TUBA1B: variants seen among roughly 807,000 people sequenced by gnomAD.
The protein encoded by TUBA1B is tubulin alpha-1B chain.
In TUBA1B, 1 loss-of-function variant was observed where a neutral mutation model predicts 34.4. The observed-to-expected ratio is 0.03, with a 90% CI of 0.01 to 0.14. The LOEUF is 0.14. TUBA1B is among the 10% of genes least tolerant of loss of function. TUBA1B has a pLI of 1.00. For synonymous variants in TUBA1B, 197 were observed against 212.5 expected (o/e 0.93, Z 0.64); for missense variants, 54 against 583.6 (o/e 0.09, Z 9.35).
Position 49,129,630 on chromosome 12 carries a change from G to A in TUBA1B, c.96C>T (p.Pro32=), listed in dbSNP as rs762081790. ...ELYCLEHGIQ[P]DGQMPSDKTI... The stretch of plus-strand genomic sequence containing the variant: ...TCTTGTCACTTGGCATCTGGCCATC[G>A]GGCTGGATGCCGTGTTCCAGGCAGT... Residue 32 remains proline, a synonymous_variant, in exon 2 of 4, where the codon CCC becomes CCT. Transcript: ENST00000336023. 9.9e-6 allele frequency: 16 copies of A among 1,614,062 alleles called. No individual in the cohort carries two copies. In the Middle Eastern group the frequency reaches 8.2e-4, roughly 83 times the overall value.
intron 1 of TUBA1B, chr12:49,130,069 C>T: frequency 2.5e-6 from 3 of 1,198,144 alleles, no homozygotes; most frequent in Admixed American, 3.5e-5. Context: ...AGATGTACTA[C>T]TTTTGAGAAC....
rs11546598 is a variant in TUBA1B, at chr12:49,129,378, G to A, written c.239C>T (p.Thr80Ile). The A allele has an allele frequency of 1.2e-6, 2 of 1,614,236 alleles. No individual in the cohort carries two copies. Among genetic ancestry groups the A allele is most frequent in the Admixed American group, 1.7e-5 (1 of 60,032 alleles). Residue 80 changes from threonine (T) to isoleucine (I), a missense_variant, in exon 3 of 4, where the codon ACT becomes ATT. Around this residue, in one of 3 missense-constraint regions of TUBA1B, gnomAD observed 28 missense variants for 203.8 expected, o/e 0.14. Coordinates refer to ENST00000336023, the MANE Select transcript of TUBA1B (RefSeq NM_006082.3). Reference protein sequence around the residue: ...LEPTVIDEVRTGTYRQLFHPE... With the variant: ...LEPTVIDEVRIGTYRQLFHPE... The stretch of plus-strand genomic sequence containing the variant: ...GTGGAAGAGCTGGCGGTAGGTGCCA[G>A]TGCGAACTTCATCTGGAGGAGGGAG...
chr12:49,131,000 C>G (rs1263371871), intron 1 of TUBA1B: 5 of 379,128 alleles, frequency 1.3e-5, no homozygotes, highest in Non-Finnish European at 2.5e-5. Context: ...GGGACCGCAC[C>G]CAGGACACAG....
In TUBA1B at chr12:49,129,495, C is replaced by T; in HGVS notation, c.226+5G>A. The T allele has an allele frequency of 6.2e-7, 1 of 1,614,200 alleles. No homozygotes were observed. The highest frequency in any genetic ancestry group is 8.5e-7 in the Non-Finnish European group (1 of 1,180,026). ...TGGGATCTCAGGTTACTGAGGTCAACTCACCAATGACTGTGGGTTCCAAGT... is the reference window on the plus strand; with the variant it reads ...TGGGATCTCAGGTTACTGAGGTCAATTCACCAATGACTGTGGGTTCCAAGT... On this transcript the variant is annotated splice_donor_5th_base_variant and intron_variant, in intron 2 of 3. Transcript: ENST00000336023.
At position 49,128,627 on chromosome 12, in the gene TUBA1B, G is replaced by A; in HGVS notation, c.687C>T (p.Arg229=). ...TGGAGGACACAATCTGGCTAATAAG[G>A]CGGTTAAGGTTAGTGTAGGTTGGGC... ...IERPTYTNLN[R]LISQIVSSIT... Residue 229 remains arginine, a synonymous_variant, in exon 4 of 4, where the codon CGC becomes CGT. Coordinates refer to ENST00000336023, the MANE Select transcript of TUBA1B (RefSeq NM_006082.3). The surrounding 1 kb of genome is among the most constrained non-coding windows in gnomAD (Gnocchi z 8.1). The A allele has an allele frequency of 6.2e-7, 1 of 1,610,968 alleles. No individual in the cohort carries two copies. The highest frequency in any genetic ancestry group is 2.2e-5 in the East Asian group (1 of 44,848).
Position 49,131,361 on chromosome 12 carries a change from C to T in TUBA1B, c.-61G>A. On this transcript the variant is annotated 5_prime_UTR_variant, in exon 1 of 4. Transcript: ENST00000336023. ...CAGACACCGGGTCCCGGTTACCGTC[C>T]CCGACAAGCTAAGAGTCGAGGTAAG... 1 of 1,597,752 alleles carries T rather than the reference C, an allele frequency of 6.3e-7. No homozygotes were observed. Among genetic ancestry groups the T allele is most frequent in the Non-Finnish European group, 8.5e-7 (1 of 1,170,420 alleles).
chr12:49,131,201 G>A, intron 1 of TUBA1B, 97 bp downstream of exon 1: 1 of 1,488,040 alleles, frequency 6.7e-7, no homozygotes, highest in Non-Finnish European at 9.2e-7. Context: ...CGGCTCTGAG[G>A]CCAGCCCTTC....
rs1592245618 is a variant in TUBA1B at position 49,128,362 on chromosome 12, A to G, written c.952T>C (p.Leu318=). The change falls in exon 4 of 4, where the codon TTG becomes CTG. Residue 318 remains leucine, a synonymous_variant. Coordinates refer to ENST00000336023, the MANE Select transcript of TUBA1B (RefSeq NM_006082.3). The surrounding 1 kb of genome is among the most constrained non-coding windows in gnomAD (Gnocchi z 8.1). ...TTGGGAACCACGTCACCACGGTACAACAGGCAGCAAGCCATGTATTTACCA... is the reference window on the plus strand; with the variant it reads ...TTGGGAACCACGTCACCACGGTACAGCAGGCAGCAAGCCATGTATTTACCA... ...RHGKYMACCL[L]YRGDVVPKDV... 6.2e-7 allele frequency: 1 copy of G among 1,613,950 alleles called. No homozygotes were observed. Among genetic ancestry groups the G allele is most frequent in the Non-Finnish European group, 8.5e-7 (1 of 1,179,952 alleles).
intron 3 of TUBA1B, 75 bp downstream of exon 3, chr12:49,129,167 G>C: frequency 6.2e-7 from 1 of 1,610,084 alleles, no homozygotes; most frequent in Non-Finnish European, 8.5e-7. Context: ...AAGAATGAAT[G>C]ATGTCAGTCA....
At chr12:49,130,308 G>A (rs1359693379) in intron 1 of TUBA1B, 3 of 1,289,218 alleles carry the variant, frequency 2.3e-6, no homozygotes, top group South Asian at 2.5e-5. Flanking sequence ...GACCAGCGCA[G>A]AAGAAATGTC....
rs535163180 is a variant in TUBA1B, at chr12:49,130,449, C to T, written c.4-727G>A. 1.7e-5 allele frequency: 16 copies of T among 947,400 alleles called. No homozygotes were observed. The African/African-American group carries it at 2.2e-4, about 13-fold the overall frequency. The allele number at this position is 947,400 out of a possible 1,614,324, so 58.7% of individuals were successfully genotyped here. ...ACGTCTGCAAAGGCGCTGCCCAAGC[C>T]GCCCATCCTCCCTTGCCTGCCGGCA... is the stretch of plus-strand genomic sequence containing the variant. On this transcript the variant is annotated intron_variant, in intron 1 of 3. Transcript: ENST00000336023.
chr12:49,129,729 G>A lies in TUBA1B; in HGVS notation c.4-7C>T, dbSNP rs180816911. The A allele has an allele frequency of 5.2e-4, 838 of 1,599,270 alleles. 5 individuals are homozygous for A. The Middle Eastern group carries it at 7.1e-3, about 14-fold the overall frequency. On this transcript the variant is annotated splice_region_variant and splice_polypyrimidine_tract_variant and intron_variant, in intron 1 of 3. Transcript: ENST00000336023. ...GGATGGAGATGCACTCACGCTGCGG[G>A]AAGGAAAAAAGATATCACAATTTAA...
Position 49,131,356 on chromosome 12 carries a change from C to G in TUBA1B, c.-56G>C. The G allele has an allele frequency of 6.2e-7, 1 of 1,601,830 alleles. No homozygotes were observed. The highest frequency in any genetic ancestry group is 1.1e-5 in the South Asian group (1 of 89,468). On this transcript the variant is annotated 5_prime_UTR_variant, in exon 1 of 4. Coordinates refer to ENST00000336023, the MANE Select transcript of TUBA1B (RefSeq NM_006082.3). ...AGGAGCAGACACCGGGTCCCGGTTA[C>G]CGTCCCCGACAAGCTAAGAGTCGAG... is the stretch of plus-strand genomic sequence containing the variant.
At chr12:49,130,327 G>C in intron 1 of TUBA1B, 1 of 1,289,222 alleles carries the variant, frequency 7.8e-7, no homozygotes, top group Non-Finnish European at 1.0e-6. Flanking sequence ...TCTGTCCGCA[G>C]GGACAAGGGG....
intron 1 of TUBA1B, chr12:49,130,031 A>G (rs1941783843): frequency 4.3e-6 from 5 of 1,164,186 alleles, no homozygotes; most frequent in Non-Finnish European, 5.7e-6. Flanking sequence ...CCTTTTCTAA[A>G]GCGATCTTTT....
At chr12:49,129,453 C>T (rs1235771908) in intron 2 of TUBA1B, 47 bp downstream of exon 2, 5 of 1,613,574 alleles carry the variant, frequency 3.1e-6, no homozygotes, top group East Asian at 2.2e-5. Context: ...CTGGACAGAC[C>T]TCCTGTCCCA....
rs1565614894 is a variant in TUBA1B at position 49,128,273 on chromosome 12, G to A, written c.1041C>T (p.Cys347=). ...TKRSIQFVDW[C]PTGFKVGINY... is the part of the protein sequence containing the mutation. Reference sequence around the variant, plus strand: ...TGATGCCAACCTTGAAGCCAGTGGGGCACCAATCCACAAACTGGATGCTGC... The same window carrying A: ...TGATGCCAACCTTGAAGCCAGTGGGACACCAATCCACAAACTGGATGCTGC... The change falls in exon 4 of 4, where the codon TGC becomes TGT. Residue 347 remains cysteine (C), a synonymous_variant. Transcript: ENST00000336023. This position sits in a 1 kb window ranked among gnomAD's most constrained non-coding sequence, Gnocchi z 8.1. 1.2e-6 allele frequency: 2 copies of A among 1,614,190 alleles called. No individual in the cohort carries two copies. The highest frequency in any genetic ancestry group is 1.7e-6 in the Non-Finnish European group (2 of 1,180,042).
chr12:49,128,540 G>A lies in TUBA1B; in HGVS notation c.774C>T (p.Asn258=), dbSNP rs1450672695. ...LNVDLTEFQT[N]LVPYPRIHFP... ...AGTGGATGCGGGGGTAGGGCACCAGGTTGGTCTGGAATTCTGTCAGGTCAA... is the reference window on the plus strand; with the variant it reads ...AGTGGATGCGGGGGTAGGGCACCAGATTGGTCTGGAATTCTGTCAGGTCAA... Residue 258 remains asparagine (N), a synonymous_variant, in exon 4 of 4, where the codon AAC becomes AAT. Coordinates refer to ENST00000336023, the MANE Select transcript of TUBA1B (RefSeq NM_006082.3). The surrounding 1 kb of genome is among the most constrained non-coding windows in gnomAD (Gnocchi z 8.1). The A allele has an allele frequency of 6.2e-7, 1 of 1,613,652 alleles. No homozygotes were observed. The highest frequency in any genetic ancestry group is 8.5e-7 in the Non-Finnish European group (1 of 1,179,976).
Position 49,127,889 on chromosome 12 carries a change from G to A in TUBA1B, c.*69C>T, listed in dbSNP as rs2753. On this transcript the variant is annotated 3_prime_UTR_variant, in exon 4 of 4. Coordinates refer to ENST00000336023, the MANE Select transcript of TUBA1B (RefSeq NM_006082.3). ...AACAATCTAACCAGAAAGCTTTAAC[G>A]TCTGTCAGTTAAGCTGAAGCTGAAA... 0.38 allele frequency: 614,346 copies of A among 1,608,816 alleles called. 125,825 individuals are homozygous for A. Among genetic ancestry groups the A allele is most frequent in the East Asian group, 0.71 (31,964 of 44,846 alleles).
Sources: allele counts gnomAD v4.1 joint callset, GRCh38; gene constraint gnomAD v4.1.1; regional missense constraint gnomAD v4.1.1; non-coding constraint Gnocchi (gnomAD v3.1); transcripts MANE v1.5; gene names NCBI Gene and HGNC (gene_info 2026-07-23, HGNC 2026-07-21).